The following REG1B variants were observed in gnomAD, a reference collection of about 807,000 sequenced individuals.
The protein encoded by REG1B is lithostathine-1-beta.
In REG1B, 21 loss-of-function variants were observed where a neutral mutation model predicts 20.4. The ratio of observed to expected loss-of-function variants is 1.03; its 90% CI spans 0.73 to 1.48. The LOEUF (loss-of-function observed/expected upper bound fraction) is 1.48. Among genes scored for constraint, REG1B ranks in the 40% most tolerant of loss-of-function variants. REG1B has a pLI of 0.00. For synonymous variants in REG1B, 82 were observed against 73.4 expected (o/e 1.12, Z -0.60); for missense variants, 247 against 197.2 (o/e 1.25, Z -1.51).
rs1296157993 is a variant in REG1B, at chr2:79,086,441, A to T, written c.247T>A (p.Phe83Ile). The stretch of plus-strand genomic sequence containing the variant: ...CTCTCCTTAATCAGTGAGGCCACGA[A>T]GGCACCCTCCGCCTGGGTGAGCACA... ...VSVLTQAEGA[F>I]VASLIKESST... The change falls in exon 4 of 6, where the codon TTC becomes ATC. Residue 83 changes from phenylalanine to isoleucine, a missense_variant. Transcript: ENST00000305089. 1 of 1,614,084 alleles carries T rather than the reference A, an allele frequency of 6.2e-7. No individual in the cohort carries two copies. Among genetic ancestry groups the T allele is most frequent in the Admixed American group, 1.7e-5 (1 of 59,996 alleles).
intron 1 of REG1B, 85 bp downstream of exon 1, chr2:79,087,874 T>C (rs1672423179): frequency 2.6e-6 from 1 of 387,114 alleles, no homozygotes. Flanking sequence ...GGATCTTTTA[T>C]TCAGAAAATC....
chr2:79,087,672 C>G lies in REG1B; in HGVS notation c.-46-14G>C. 1 of 1,540,200 alleles carries G rather than the reference C, an allele frequency of 6.5e-7. No homozygotes were observed. The highest frequency in any genetic ancestry group is 8.9e-7 in the Non-Finnish European group (1 of 1,118,072). On this transcript the variant is annotated splice_polypyrimidine_tract_variant and intron_variant, in intron 1 of 5. Transcript: ENST00000305089. ...AATCAGCAATCTCTGTAGGAGAACA[C>G]AGGGAAGAGGGTTTGAAGAAGAGAG...
intron 2 of REG1B, 38 bp from the exon 3 acceptor site, chr2:79,086,968 G>T (rs6723688): frequency 0.72 from 1,119,945 of 1,547,430 alleles, 407,140 homozygotes; most frequent in Admixed American, 0.79. Flanking sequence ...AGAAAGAATC[G>T]CAGGGCAAGG....
In REG1B at chr2:79,085,668, G is replaced by C; in HGVS notation, c.322-65C>G. On this transcript the variant is annotated intron_variant, in intron 4 of 5. Transcript: ENST00000305089. The stretch of plus-strand genomic sequence containing the variant: ...AAAAATCAATAGAATAACCAGGCCT[G>C]TGTGCACACTCAGAAACAGGCCAAG... The C allele has an allele frequency of 2.9e-6, 3 of 1,026,546 alleles. No individual in the cohort carries two copies. In the Admixed American group the frequency reaches 6.4e-5, roughly 22 times the overall value. 63.6% of individuals were successfully genotyped at this position (1,026,546 alleles called of 1,614,324 possible). A position where few individuals can be genotyped will look rare whatever the true frequency, so the allele number is the denominator to read the frequency against.
Position 79,086,849 on chromosome 2 carries a change from T to C in REG1B, c.146A>G (p.Tyr49Cys), listed in dbSNP as rs983946747. ...GTNAYRSYCYYFNEDPETWVD... is the reference protein window; with the variant it reads ...GTNAYRSYCYCFNEDPETWVD... ...CCAGGTCTCAGGGTCTTCATTAAAG[T>C]AGTAGCAGTAGGAGCGATAGGCATT... is the stretch of plus-strand genomic sequence containing the variant. The change falls in exon 3 of 6, where the codon TAC becomes TGC. Residue 49 changes from tyrosine (Y) to cysteine (C), a missense_variant. By Grantham distance (194) the Tyr-to-Cys change is radical. Transcript: ENST00000305089. 1 of 1,613,896 alleles carries C rather than the reference T, an allele frequency of 6.2e-7. No homozygotes were observed. The highest frequency in any genetic ancestry group is 8.5e-7 in the Non-Finnish European group (1 of 1,179,952).
chr2:79,086,985 C>T, intron 2 of REG1B, 55 bp from the exon 3 acceptor site: 2 of 1,455,406 alleles, frequency 1.4e-6, no homozygotes, highest in Non-Finnish European at 9.6e-7. Flanking sequence ...AAGGAAAAGG[C>T]TGGAAGGTGA....
At chr2:79,087,510 C>T in intron 2 of REG1B, 39 bp downstream of exon 2, 4 of 1,601,026 alleles carry the variant, frequency 2.5e-6, no homozygotes, top group Non-Finnish European at 3.4e-6. Context: ...GGGAAGAATT[C>T]AGAGTTGGGG....
intron 1 of REG1B, 118 bp downstream of exon 1, chr2:79,087,841 T>A (rs1484018029): frequency 4.5e-6 from 2 of 448,370 alleles, no homozygotes; most frequent in Non-Finnish European, 7.9e-6. Flanking sequence ...AGCTTTGGTC[T>A]TGCTTAAGTT....
chr2:79,086,811 C>T lies in REG1B; in HGVS notation c.183+1G>A, dbSNP rs774041730. On this transcript the variant is annotated splice_donor_variant, in intron 3 of 5. Transcript: ENST00000305089. LOFTEE classifies it high-confidence loss of function. ...CTTCCCCTGCTGCTCTCCTCACTCA[C>T]ATCTGCATCAACCCAGGTCTCAGGG... is the stretch of plus-strand genomic sequence containing the variant. 1.2e-6 allele frequency: 2 copies of T among 1,613,322 alleles called. No individual in the cohort carries two copies. Among genetic ancestry groups the T allele is most frequent in the Non-Finnish European group, 1.7e-6 (2 of 1,179,394 alleles).
chr2:79,086,397 A>C lies in REG1B; in HGVS notation c.291T>G (p.Asn97Lys), dbSNP rs756124589. Residue 97 changes from asparagine to lysine, a missense_variant, in exon 4 of 6, where the codon AAT becomes AAG. By Grantham distance (94) the Asn-to-Lys change is moderately conservative (BLOSUM62 0). Transcript: ENST00000305089. ...TTGGGTCATGGAGGCCAATCCAGAC[A>C]TTGCTGTCATCAGTGCTACTCTCCT... ...LIKESSTDDSNVWIGLHDPKK... is the reference protein window; with the variant it reads ...LIKESSTDDSKVWIGLHDPKK... 2.5e-6 allele frequency: 4 copies of C among 1,614,126 alleles called. No homozygotes were observed. The South Asian group carries it at 4.4e-5, about 18-fold the overall frequency.
At chr2:79,085,314 A>G in intron 5 of REG1B, 31 bp from the exon 6 acceptor site, 2 of 1,531,856 alleles carry the variant, frequency 1.3e-6, no homozygotes, top group African/African-American at 1.4e-5. Flanking sequence ...TCAGACATAG[A>G]GGATCAGAAG....
In REG1B at chr2:79,086,886, G is replaced by A. The variant is rs1558715998; in HGVS notation, c.109C>T (p.Pro37Ser). ...GAGCGATAGGCATTGGTGCCTTCTG[G>A]GCAGCTGATTCGGGGATTAGGCAGC... ...TELPNPRISCPEGTNAYRSYC... is the reference protein window; with the variant it reads ...TELPNPRISCSEGTNAYRSYC... The change falls in exon 3 of 6, where the codon CCA becomes TCA. Residue 37 changes from proline to serine, a missense_variant. Pro to Ser is a moderately conservative substitution (Grantham distance 74). Transcript: ENST00000305089. 6.2e-7 allele frequency: 1 copy of A among 1,613,910 alleles called. No homozygotes were observed. Among genetic ancestry groups the A allele is most frequent in the Admixed American group, 1.7e-5 (1 of 59,964 alleles).
chr2:79,086,814 C>G lies in REG1B; in HGVS notation c.181G>C (p.Asp61His). ...NEDPETWVDA[D>H]LYCQNMNSGN... is the part of the protein sequence containing the mutation. ...CCCCTGCTGCTCTCCTCACTCACAT[C>G]TGCATCAACCCAGGTCTCAGGGTCT... Residue 61 changes from aspartate to histidine, a missense_variant and splice_region_variant, in exon 3 of 6, where the codon GAT becomes CAT. Transcript: ENST00000305089. 1.2e-6 allele frequency: 2 copies of G among 1,613,474 alleles called. No individual in the cohort carries two copies. The highest frequency in any genetic ancestry group is 1.7e-6 in the Non-Finnish European group (2 of 1,179,400).
intron 4 of REG1B, 35 bp downstream of exon 4, chr2:79,086,332 T>C: frequency 1.2e-6 from 2 of 1,611,710 alleles, no homozygotes; most frequent in Non-Finnish European, 1.7e-6. Context: ...CTCTCAAAAA[T>C]GTTTATAAGG....
Position 79,086,918 on chromosome 2 carries a change from T to C in REG1B, c.77A>G (p.Gln26Arg). Residue 26 changes from glutamine to arginine, a missense_variant, in exon 3 of 6, where the codon CAG becomes CGG. By Grantham distance (43) the Gln-to-Arg change is conservative. Coordinates refer to ENST00000305089, the MANE Select transcript of REG1B (RefSeq NM_006507.4). The part of the protein sequence containing the change: ...FLSLSQGQES[Q>R]TELPNPRISC... ...GATTCGGGGATTAGGCAGCTCTGTCTGGGACTCCTGGCCTGGGGAAAAAAA... is the reference window on the plus strand; with the variant it reads ...GATTCGGGGATTAGGCAGCTCTGTCCGGGACTCCTGGCCTGGGGAAAAAAA... The C allele has an allele frequency of 6.2e-7, 1 of 1,613,496 alleles. No individual in the cohort carries two copies. The highest frequency in any genetic ancestry group is 8.5e-7 in the Non-Finnish European group (1 of 1,179,680).
chr2:79,086,776 A>T (rs764369175), intron 3 of REG1B, 36 bp downstream of exon 3: 4 of 1,587,868 alleles, frequency 2.5e-6, no homozygotes, highest in Non-Finnish European at 3.5e-6. Flanking sequence ...CTCTACCTTC[A>T]TAAGCCTCCC....
In REG1B at chr2:79,087,580, G is replaced by T; in HGVS notation, c.33C>A (p.Ile11=). 2 of 1,613,928 alleles carry T rather than the reference G, an allele frequency of 1.2e-6. No homozygotes were observed. Among genetic ancestry groups the T allele is most frequent in the Non-Finnish European group, 1.7e-6 (2 of 1,179,902 alleles). ...TCAGAGACAGGAACATCAGGGAGGA[G>T]ATCAGCATGAAGAACGAGTTGGTCT... MAQTNSFFML[I]SSLMFLSLSQ... The change falls in exon 2 of 6, where the codon ATC becomes ATA. Residue 11 remains isoleucine, a synonymous_variant. Transcript: ENST00000305089.
chr2:79,086,714 G>A, intron 3 of REG1B, 98 bp downstream of exon 3: 1 of 1,341,842 alleles, frequency 7.5e-7, no homozygotes, highest in East Asian at 2.3e-5. Context: ...ATAGGGAAGG[G>A]ATCAATCTTA....
chr2:79,086,446 C>G lies in REG1B; in HGVS notation c.242G>C (p.Gly81Ala). 1 of 1,614,080 alleles carries G rather than the reference C, an allele frequency of 6.2e-7. No homozygotes were observed. The highest frequency in any genetic ancestry group is 8.5e-7 in the Non-Finnish European group (1 of 1,179,994). The change falls in exon 4 of 6, where the codon GGT becomes GCT. Residue 81 changes from glycine (G) to alanine (A), a missense_variant. By Grantham distance (60) the Gly-to-Ala change is moderately conservative. Coordinates refer to ENST00000305089, the MANE Select transcript of REG1B (RefSeq NM_006507.4). The stretch of plus-strand genomic sequence containing the variant: ...CTTAATCAGTGAGGCCACGAAGGCA[C>G]CCTCCGCCTGGGTGAGCACAGACAC... ...NLVSVLTQAE[G>A]AFVASLIKES...
Sources: gnomAD v4.1 joint callset for allele counts on GRCh38, gnomAD v4.1.1 for gene constraint, MANE v1.5 for transcripts, NCBI Gene and HGNC (gene_info 2026-07-23, HGNC 2026-07-21) for gene names.